LRRTM3: variants seen among roughly 807,000 people sequenced by gnomAD.
LRRTM3 encodes leucine-rich repeat transmembrane neuronal protein 3.
A neutral mutation model predicts 44.7 loss-of-function variants in LRRTM3; 24 were observed. The ratio of observed to expected loss-of-function variants is 0.54; its 90% confidence interval spans 0.39 to 0.76. The LOEUF (loss-of-function observed/expected upper bound fraction) is 0.76. Ranked by LOEUF, LRRTM3 falls within the 30% of genes least tolerant of loss-of-function variation. LRRTM3 has a pLI of 0.00. For missense variants in LRRTM3, 587 were observed against 702.2 expected (o/e 0.84, Z 1.85); for synonymous variants, 277 against 278.7 (o/e 0.99, Z 0.06).
At chr10:67,060,104 C>T (rs1855675561) in intron 2 of LRRTM3, among the ~76,000 whole-genome samples, 1 of 151,912 alleles carries the variant, frequency 6.6e-6, no homozygotes, top group African/African-American at 2.4e-5. Flanking sequence ...TCACTTGAGC[C>T]TAGGATTTCG....
intron 2 of LRRTM3, among the ~76,000 whole-genome samples, chr10:66,952,572 T>A (rs936935214): frequency 1.3e-5 from 2 of 152,150 alleles, no homozygotes; most frequent in Non-Finnish European, 2.9e-5. Flanking sequence ...CACACATGCA[T>A]GTGCATCATG....
At chr10:67,069,101 A>C (rs2131841530) in intron 2 of LRRTM3, among the ~76,000 whole-genome samples, 1 of 152,142 alleles carries the variant, frequency 6.6e-6, no homozygotes, top group South Asian at 2.1e-4. Context: ...AAAAAGAAAA[A>C]GAAGAAGACA....
Position 67,035,055 on chromosome 10 carries a change from T to C in LRRTM3, c.1537-62532T>C, listed in dbSNP as rs557011503. Among the ~76,000 whole-genome samples, 6 of 152,338 alleles carry C rather than the reference T, an allele frequency of 3.9e-5. No homozygotes were observed. In the South Asian group the frequency reaches 1.2e-3, roughly 32 times the overall value. On this transcript the variant is annotated intron_variant, in intron 2 of 2. Coordinates refer to ENST00000361320, the MANE Select transcript of LRRTM3 (RefSeq NM_178011.5). ...ACCAGTTAGAAGTGCTCACTGTATT[T>C]TATGAATACTGATAGCTCCGCATAG...
At chr10:67,067,678 A>C (rs1856176776) in intron 2 of LRRTM3, among the ~76,000 whole-genome samples, 1 of 152,232 alleles carries the variant, frequency 6.6e-6, no homozygotes, top group Admixed American at 6.5e-5. Context: ...ACAAGCTCTT[A>C]GGTGATTCAA....
At chr10:67,030,363 T>C (rs1436840369) in intron 2 of LRRTM3, among the ~76,000 whole-genome samples, 1 of 152,164 alleles carries the variant, frequency 6.6e-6, no homozygotes, top group Admixed American at 6.5e-5. Context: ...TTAAAAACCC[T>C]CTTAATTATA....
intron 2 of LRRTM3, among the ~76,000 whole-genome samples, chr10:67,074,640 G>A (rs1002379239): frequency 3.3e-5 from 5 of 152,178 alleles, no homozygotes; most frequent in Non-Finnish European, 5.9e-5. Context: ...GTGAGCCACC[G>A]CGCCCAACCC....
intron 2 of LRRTM3, among the ~76,000 whole-genome samples, chr10:67,060,300 G>A (rs1028102688): frequency 6.6e-6 from 1 of 152,148 alleles, no homozygotes; most frequent in African/African-American, 2.4e-5. Context: ...CCTGGTGACA[G>A]AGACCTTGTC....
chr10:67,042,381 G>C (rs1389729264), intron 2 of LRRTM3, among the ~76,000 whole-genome samples: 1 of 152,088 alleles, frequency 6.6e-6, no homozygotes, highest in Non-Finnish European at 1.5e-5. Flanking sequence ...TTTCTGGTTT[G>C]GATAAGCAGT....
chr10:66,955,488 G>C (rs187530146), intron 2 of LRRTM3, among the ~76,000 whole-genome samples: 1 of 152,226 alleles, frequency 6.6e-6, no homozygotes, highest in East Asian at 1.9e-4. Flanking sequence ...ATGCATCTAA[G>C]AAGTCGAGGG....
chr10:67,000,738 T>A (rs184619400), intron 2 of LRRTM3, among the ~76,000 whole-genome samples: 5 of 152,232 alleles, frequency 3.3e-5, no homozygotes. Context: ...ATACAAGTCC[T>A]CCCTCACCCC....
chr10:67,089,989 A>G (rs1370918763), intron 2 of LRRTM3, among the ~76,000 whole-genome samples: 2 of 152,126 alleles, frequency 1.3e-5, no homozygotes, highest in East Asian at 3.9e-4. Flanking sequence ...ATGAAACAAA[A>G]TAATCAAACT....
chr10:67,042,316 G>T (rs1854446338), intron 2 of LRRTM3, among the ~76,000 whole-genome samples: 1 of 152,106 alleles, frequency 6.6e-6, no homozygotes. Flanking sequence ...GACAGACAGA[G>T]CTGACTATCA....
chr10:67,014,363 T>C (rs1054623485), intron 2 of LRRTM3, among the ~76,000 whole-genome samples: 1 of 152,204 alleles, frequency 6.6e-6, no homozygotes, highest in African/African-American at 2.4e-5. Context: ...CAGCTTTAAT[T>C]AACTACTGTA....
intron 2 of LRRTM3, among the ~76,000 whole-genome samples, chr10:67,006,348 T>G (rs1440070450): frequency 6.6e-6 from 1 of 152,180 alleles, no homozygotes; most frequent in Non-Finnish European, 1.5e-5. Context: ...AAATTGCTAA[T>G]AAACTTTGCA....
intron 2 of LRRTM3, among the ~76,000 whole-genome samples, chr10:66,993,317 C>T (rs1851143106): frequency 6.6e-6 from 1 of 152,156 alleles, no homozygotes; most frequent in Non-Finnish European, 1.5e-5. Flanking sequence ...TAGCCTCAGA[C>T]ATCACTCAAA....
intron 2 of LRRTM3, among the ~76,000 whole-genome samples, chr10:67,018,147 G>C (rs1396818667): frequency 6.6e-6 from 1 of 151,924 alleles, no homozygotes; most frequent in Non-Finnish European, 1.5e-5. Context: ...TTTACAGTAG[G>C]GCCAAGACTT....
At chr10:66,951,449 TG>T (rs1848536184) in intron 2 of LRRTM3, among the ~76,000 whole-genome samples, 1 of 152,168 alleles carries the variant, frequency 6.6e-6, no homozygotes, top group South Asian at 2.1e-4. Context: ...TTACTATGTT[TG>T]AGGCATTGCA....
intron 2 of LRRTM3, among the ~76,000 whole-genome samples, chr10:67,011,276 G>T (rs1414120839): frequency 6.6e-6 from 1 of 151,702 alleles, no homozygotes; most frequent in Non-Finnish European, 1.5e-5. Context: ...AGCAGACGGA[G>T]GTTGCAGTGA....
intron 2 of LRRTM3, among the ~76,000 whole-genome samples, chr10:67,095,117 A>AT (rs2131924029): frequency 6.6e-6 from 1 of 151,482 alleles, no homozygotes; most frequent in African/African-American, 2.4e-5. Context: ...ACTCTCTTAA[A>AT]TTTTCAAAAT....
Sources: allele counts gnomAD v4.1 joint callset (sites outside exome capture counted in the v4.1 genomes callset), GRCh38; gene constraint gnomAD v4.1.1; transcripts MANE v1.5; gene names NCBI Gene and HGNC (gene_info 2026-07-23, HGNC 2026-07-21).